The following GRIA4 variants were observed in gnomAD, a reference collection of about 807,000 sequenced individuals.
The protein encoded by GRIA4 is glutamate receptor 4.
A neutral mutation model predicts 104.0 loss-of-function variants in GRIA4; 34 were observed. The ratio of observed to expected loss-of-function variants is 0.33; its 90% confidence interval spans 0.25 to 0.44. The LOEUF (loss-of-function observed/expected upper bound fraction) is 0.44. GRIA4 is among the 20% of genes least tolerant of loss of function. The pLI is 1.00. For missense variants in GRIA4, 750 were observed against 1,096.5 expected, an observed-to-expected ratio of 0.68 and a Z score of 4.46; for synonymous variants, 386 against 381.9, an observed-to-expected ratio of 1.01 and a Z score of -0.13.
chr11:105,969,679 C>T (rs2136280600), intron 14 of GRIA4, among the ~76,000 whole-genome samples: 1 of 152,230 alleles, frequency 6.6e-6, no homozygotes, highest in East Asian at 1.9e-4. Context: ...CCACCCCATT[C>T]AAGAACTGAA....
chr11:105,902,743 C>T (rs746130226), intron 7 of GRIA4, among the ~76,000 whole-genome samples: 3 of 152,184 alleles, frequency 2.0e-5, no homozygotes, highest in Non-Finnish European at 4.4e-5. Flanking sequence ...ACTGCTCAAA[C>T]AGGCATGGAA....
intron 4 of GRIA4, among the ~76,000 whole-genome samples, chr11:105,762,694 G>C (rs1311070646): frequency 6.6e-6 from 1 of 152,150 alleles, no homozygotes; most frequent in African/African-American, 2.4e-5. Flanking sequence ...TAGTGAATAA[G>C]TCTCACGAGA....
At chr11:105,628,565 TGAA>T (rs560285683) in intron 3 of GRIA4, among the ~76,000 whole-genome samples, 36 of 152,294 alleles carry the variant, frequency 2.4e-4, no homozygotes, top group Non-Finnish European at 4.7e-4. Context: ...TGTCTTCATA[TGAA>T]GAAGAACGTG....
intron 14 of GRIA4, chr11:105,966,117 C>T: frequency 8.3e-7 from 1 of 1,206,318 alleles, no homozygotes; most frequent in South Asian, 1.2e-5. Context: ...ATAGGTGCAT[C>T]TGCTGGGAGA....
At chr11:105,731,878 G>C (rs1456387327) in intron 3 of GRIA4, among the ~76,000 whole-genome samples, 1 of 151,984 alleles carries the variant, frequency 6.6e-6, no homozygotes, top group East Asian at 1.9e-4. Flanking sequence ...GGCCTGTCGG[G>C]GGGTGGGGGA....
intron 3 of GRIA4, among the ~76,000 whole-genome samples, chr11:105,632,679 A>G (rs1951065133): frequency 6.6e-6 from 1 of 152,194 alleles, no homozygotes; most frequent in Admixed American, 6.6e-5. Context: ...GCTGACTATA[A>G]TCCTAGTGCT....
At chr11:105,631,015 C>T (rs559573049) in intron 3 of GRIA4, among the ~76,000 whole-genome samples, 2 of 152,068 alleles carry the variant, frequency 1.3e-5, no homozygotes, top group African/African-American at 4.8e-5. Flanking sequence ...CGTCTAAACC[C>T]CAAAGATTCT....
At chr11:105,771,171 G>C (rs1294087016) in intron 4 of GRIA4, among the ~76,000 whole-genome samples, 1 of 151,912 alleles carries the variant, frequency 6.6e-6, no homozygotes, top group Non-Finnish European at 1.5e-5. Context: ...ACTCTACAAA[G>C]CTTTTTCTGC....
chr11:105,811,206 C>T (rs551091990), intron 4 of GRIA4, among the ~76,000 whole-genome samples: 1 of 152,068 alleles, frequency 6.6e-6, no homozygotes, highest in Non-Finnish European at 1.5e-5. Context: ...AACACAGCAG[C>T]ACAACTGAGA....
At chr11:105,935,981 T>C (rs1054385240) in intron 14 of GRIA4, among the ~76,000 whole-genome samples, 6 of 152,154 alleles carry the variant, frequency 3.9e-5, no homozygotes, top group Non-Finnish European at 5.9e-5. Flanking sequence ...ATGGAGAGTT[T>C]GTTTATGCAC....
intron 3 of GRIA4, among the ~76,000 whole-genome samples, chr11:105,652,379 G>A (rs74498143): frequency 5.3e-5 from 8 of 152,084 alleles, no homozygotes; most frequent in Admixed American, 3.9e-4. Context: ...AAACTGACTC[G>A]AGGTAGGCTG....
chr11:105,833,912 A>G (rs1004273297), intron 4 of GRIA4, among the ~76,000 whole-genome samples: 3 of 151,986 alleles, frequency 2.0e-5, no homozygotes, highest in Non-Finnish European at 4.4e-5. Context: ...CTGAGTCTCA[A>G]CTGTTTATTT....
intron 14 of GRIA4, among the ~76,000 whole-genome samples, chr11:105,948,551 G>C (rs1189950090): frequency 6.7e-6 from 1 of 148,262 alleles, no homozygotes; most frequent in Non-Finnish European, 1.5e-5. Context: ...TTTAGTAACA[G>C]AATAATTTTT....
At position 105,753,081 on chromosome 11, in the gene GRIA4, C is replaced by T. The variant is rs1940098380; in HGVS notation, c.348C>T (p.Ser116=). 1 of 1,613,724 alleles carries T rather than the reference C, an allele frequency of 6.2e-7. No individual in the cohort carries two copies. Among genetic ancestry groups the T allele is most frequent in the Non-Finnish European group, 8.5e-7 (1 of 1,179,878 alleles). Residue 116 remains serine, a synonymous_variant, in exon 4 of 17, where the codon TCC becomes TCT. Transcript: ENST00000282499. Reference sequence around the variant, plus strand: ...CATTCTGCAGCGCCTTACATATCTCCCTCATCACACCAAGTTTCCCTACTG... The same window carrying T: ...CATTCTGCAGCGCCTTACATATCTCTCTCATCACACCAAGTTTCCCTACTG... The part of the protein sequence containing the change: ...LTSFCSALHI[S]LITPSFPTEG...
At chr11:105,870,575 T>A (rs1485247892) in intron 5 of GRIA4, among the ~76,000 whole-genome samples, 1 of 151,372 alleles carries the variant, frequency 6.6e-6, no homozygotes. Flanking sequence ...AAGCAAATTA[T>A]TGAAAGGGGA....
At chr11:105,803,322 A>G (rs1177195664) in intron 4 of GRIA4, among the ~76,000 whole-genome samples, 1 of 151,946 alleles carries the variant, frequency 6.6e-6, no homozygotes, top group African/African-American at 2.4e-5. Flanking sequence ...TGCAGCTCTG[A>G]GAATTTAGGT....
At chr11:105,729,181 A>G (rs1938421188) in intron 3 of GRIA4, among the ~76,000 whole-genome samples, 2 of 152,232 alleles carry the variant, frequency 1.3e-5, no homozygotes, top group Non-Finnish European at 2.9e-5. Flanking sequence ...ATTACCACTC[A>G]TTCCACAGAA....
chr11:105,933,598 T>A (rs1217901217), intron 13 of GRIA4, 124 bp from the exon 14 acceptor site: 3 of 653,016 alleles, frequency 4.6e-6, no homozygotes, highest in Non-Finnish European at 7.9e-6. Context: ...TGTTACTCTG[T>A]GGCAAATTGG....
intron 5 of GRIA4, among the ~76,000 whole-genome samples, chr11:105,885,209 A>C (rs1187437058): frequency 6.6e-6 from 1 of 152,182 alleles, no homozygotes; most frequent in African/African-American, 2.4e-5. Context: ...GCTAGACTGG[A>C]GATTCCCAGA....
Sources: gnomAD v4.1 joint callset for allele counts (sites outside exome capture counted in the v4.1 genomes callset) on GRCh38, gnomAD v4.1.1 for gene constraint, MANE v1.5 for transcripts, NCBI Gene and HGNC (gene_info 2026-07-23, HGNC 2026-07-21) for gene names.